Variants in GSTM3 observed in about 807,000 individuals in gnomAD.
The protein encoded by GSTM3 is glutathione S-transferase mu 3.
Under a neutral mutation model 36.1 loss-of-function variants are expected in GSTM3, and 34 were observed. The observed-to-expected ratio is 0.94, with a 90% confidence interval of 0.72 to 1.25. The LOEUF is 1.25. GSTM3 is among the 50% of genes most tolerant of loss of function. The pLI, the probability that GSTM3 is intolerant of heterozygous loss-of-function variation, is 0.00. For missense variants in GSTM3, 266 were observed against 281.6 expected (o/e 0.94, Z 0.40); for synonymous variants, 102 against 99.5 (o/e 1.03, Z -0.15).
chr1:109,739,631 C>T, intron 3 of GSTM3, 138 bp from the exon 4 acceptor site: 4 of 762,350 alleles, frequency 5.2e-6, no homozygotes, highest in Non-Finnish European at 9.1e-6. Flanking sequence ...CCTCTGAGCC[C>T]TATTTGGTTA....
rs200624404 is a variant in GSTM3, at chr1:109,737,140, C to T, written c.609G>A (p.Gln203=). The T allele has an allele frequency of 6.8e-6, 11 of 1,613,900 alleles. 1 individual carries two copies. Among genetic ancestry groups the T allele is most frequent in the Middle Eastern group, 1.6e-4 (1 of 6,062 alleles). ...TGGGCATCTTGCAGAACTGATCAGA[C>T]TGTAAGTAGGCAGCGATTTTCTCCA... ...EALEKIAAYL[Q]SDQFCKMPIN... The change falls in exon 9 of 9, where the codon CAG becomes CAA. Residue 203 remains glutamine (Q), a synonymous_variant. Coordinates refer to ENST00000361066, the MANE Select transcript of GSTM3 (RefSeq NM_000849.5).
Position 109,734,780 on chromosome 1 carries a change from GTACTA to G in GSTM3, c.*2286_*2290del, listed in dbSNP as rs1379452827. On this transcript the variant is annotated 3_prime_UTR_variant, in exon 9 of 9. Coordinates refer to ENST00000361066, the MANE Select transcript of GSTM3 (RefSeq NM_000849.5). ...ATTGTCTGCTTAGCACCTTCTGTCT[GTACTA>G]TTCCTCCTGACATCACTGGGTATCC... The G allele has an allele frequency of 2.0e-5, 3 of 152,348 alleles. No individual in the cohort carries two copies. Among genetic ancestry groups the G allele is most frequent in the African/African-American group, 7.2e-5 (3 of 41,454 alleles). The allele number at this position is 152,348 out of a possible 1,614,324, so 9.4% of individuals were successfully genotyped here.
In GSTM3 at chr1:109,737,163, C is replaced by G; in HGVS notation, c.586G>C (p.Glu196Gln). ...KAFMCRFEALEKIAAYLQSDQ... is the reference protein window; with the variant it reads ...KAFMCRFEALQKIAAYLQSDQ... ...GACTGTAAGTAGGCAGCGATTTTCTCCAAAGCCTGAAAGGAAAATACACCA... is the reference window on the plus strand; with the variant it reads ...GACTGTAAGTAGGCAGCGATTTTCTGCAAAGCCTGAAAGGAAAATACACCA... Residue 196 changes from glutamate (E) to glutamine (Q), a missense_variant, in exon 9 of 9, where the codon GAG becomes CAG. Physicochemically the swap from Glu to Gln is conservative, Grantham distance 29. Transcript: ENST00000361066. The G allele has an allele frequency of 6.2e-7, 1 of 1,612,070 alleles. No homozygotes were observed. Among genetic ancestry groups the G allele is most frequent in the East Asian group, 2.2e-5 (1 of 44,864 alleles).
At chr1:109,737,784 G>A (rs780692057) in intron 6 of GSTM3, 33 bp from the exon 7 acceptor site, 3 of 1,282,478 alleles carry the variant, frequency 2.3e-6, no homozygotes, top group Non-Finnish European at 3.3e-6. Context: ...GAATAGTGGT[G>A]ATCATCTTTG....
chr1:109,738,729 C>A (rs1273850698), intron 4 of GSTM3, among the ~76,000 whole-genome samples: 1 of 152,154 alleles, frequency 6.6e-6, no homozygotes, highest in Non-Finnish European at 1.5e-5. Flanking sequence ...TAATGACTAA[C>A]ATAATCTCAA....
Position 109,737,558 on chromosome 1 carries a change from C to T in GSTM3, c.478G>A (p.Val160Met), listed in dbSNP as rs1649237992. The change falls in exon 8 of 9, where the codon GTG becomes ATG. Residue 160 changes from valine to methionine, a missense_variant. Coordinates refer to ENST00000361066, the MANE Select transcript of GSTM3 (RefSeq NM_000849.5). ...AAGATATCATAGGTGAGAAAATCCA[C>T]AAAGGTGAGCTAGAAGAAAAGCAAT... ...SWFAGEKLTF[V>M]DFLTYDILDQ... 6.2e-7 allele frequency: 1 copy of T among 1,610,110 alleles called. No homozygotes were observed. The highest frequency in any genetic ancestry group is 8.5e-7 in the Non-Finnish European group (1 of 1,176,508).
At chr1:109,739,528 C>T in intron 3 of GSTM3, 35 bp from the exon 4 acceptor site, 4 of 1,465,406 alleles carry the variant, frequency 2.7e-6, no homozygotes, top group Non-Finnish European at 2.9e-6. Context: ...ACCCAACCTC[C>T]TTAATACCCC....
rs369807046 is a variant in GSTM3 at position 109,740,222 on chromosome 1, C to A, written c.48+18G>T. ...AGTCTCTTTGACCGAGCGGCTCTAC[C>A]GTTGAGACGGCACTCACCCCACGAA... On this transcript the variant is annotated intron_variant, in intron 2 of 8. Coordinates refer to ENST00000361066, the MANE Select transcript of GSTM3 (RefSeq NM_000849.5). 2.5e-6 allele frequency: 4 copies of A among 1,610,278 alleles called. No individual in the cohort carries two copies. The African/African-American group carries it at 5.3e-5, about 22-fold the overall frequency.
chr1:109,737,113 G>C lies in GSTM3; in HGVS notation c.636C>G (p.Ile212Met). 1.2e-6 allele frequency: 2 copies of C among 1,613,800 alleles called. No individual in the cohort carries two copies. The highest frequency in any genetic ancestry group is 8.5e-7 in the Non-Finnish European group (1 of 1,179,692). ...TGCCCCACTGGGCCATCTTGTTGTT[G>C]ATGGGCATCTTGCAGAACTGATCAG... ...LQSDQFCKMP[I>M]NNKMAQWGNK... is the part of the protein sequence containing the mutation. The change falls in exon 9 of 9, where the codon ATC (isoleucine) becomes ATG (methionine). Residue 212 changes from isoleucine to methionine, a missense_variant. Ile to Met is a conservative substitution (Grantham distance 10, BLOSUM62 1). Transcript: ENST00000361066.
chr1:109,739,671 A>G (rs1649309213), intron 3 of GSTM3, among the ~76,000 whole-genome samples, 162 bp downstream of exon 3: 2 of 152,256 alleles, frequency 1.3e-5, no homozygotes, highest in Admixed American at 6.5e-5. Context: ...GCTATGTTAA[A>G]AAGAGAACCC....
rs1406291238 is a variant in GSTM3, at chr1:109,734,170, G to A, written c.*2901C>T. On this transcript the variant is annotated 3_prime_UTR_variant, in exon 9 of 9. Coordinates refer to ENST00000361066, the MANE Select transcript of GSTM3 (RefSeq NM_000849.5). ...GGACTCCATCTTGGTTATTACCCAT[G>A]AGTGCCTAAGCAAAACCCATGGGGG... 1 of 152,214 alleles carries A rather than the reference G, an allele frequency of 6.6e-6. No homozygotes were observed. The highest frequency in any genetic ancestry group is 1.5e-5 in the Non-Finnish European group (1 of 68,048). The allele number at this position is 152,214 out of a possible 1,614,324, so 9.4% of individuals were successfully genotyped here.
rs1649203057 is a variant in GSTM3, at chr1:109,736,432, TTTTTTTC to T, written c.*632_*638del. 5.2e-5 allele frequency: 1 copy of T among 19,108 alleles called. No individual in the cohort carries two copies. Among genetic ancestry groups the T allele is most frequent in the African/African-American group, 7.6e-4 (1 of 1,318 alleles). The allele number at this position is 19,108 out of a possible 1,614,324, so 1.2% of individuals were successfully genotyped here. A position where few individuals can be genotyped will look rare whatever the true frequency, so the allele number is the denominator to read the frequency against. ...ACTCCACAGGCAGAGCAGCCTATGG[TTTTTTTC>T]TTTTTACGTCTTTAAAGAAACTTCT... On this transcript the variant is annotated 3_prime_UTR_variant, in exon 9 of 9. Transcript: ENST00000361066.
At chr1:109,738,504 G>GTA in intron 4 of GSTM3, 138 bp from the exon 5 acceptor site, 1 of 626,586 alleles carries the variant, frequency 1.6e-6, no homozygotes, top group Non-Finnish European at 2.8e-6. Flanking sequence ...AAGAAAATAA[G>GTA]TAGAAGGTAG....
intron 8 of GSTM3, 111 bp from the exon 9 acceptor site, chr1:109,737,280 T>G (rs1649229508): frequency 1.2e-5 from 10 of 860,580 alleles, no homozygotes; most frequent in Middle Eastern, 2.2e-4. Flanking sequence ...CATTTTTTTG[T>G]AGACAGTGCC....
chr1:109,739,501 A>G lies in GSTM3; in HGVS notation c.125-8T>C, dbSNP rs1420911757. 1 of 1,609,352 alleles carries G rather than the reference A, an allele frequency of 6.2e-7. No individual in the cohort carries two copies. Among genetic ancestry groups the G allele is most frequent in the Non-Finnish European group, 8.5e-7 (1 of 1,176,300 alleles). ...TTCGATCATAGTCAGGAGCTGTAAG[A>G]GACGGAATTAAGTGGGACCCAACCT... On this transcript the variant is annotated splice_polypyrimidine_tract_variant and splice_region_variant and intron_variant, in intron 3 of 8. Transcript: ENST00000361066.
chr1:109,737,372 G>T, intron 8 of GSTM3, 85 bp downstream of exon 8: 1 of 958,402 alleles, frequency 1.0e-6, no homozygotes, highest in Non-Finnish European at 1.7e-6. Context: ...GCAAAAGCCG[G>T]GGAAGAATCC....
rs1225251664 is a variant in GSTM3 at position 109,737,584 on chromosome 1, A to C, written c.469-17T>G. ...AAAGGTGAGCTAGAAGAAAAGCAAT[A>C]AGATGCTTAGGTCTGAGGAGTAGTA... is the stretch of plus-strand genomic sequence containing the variant. On this transcript the variant is annotated splice_polypyrimidine_tract_variant and intron_variant, in intron 7 of 8. Transcript: ENST00000361066. 3.8e-6 allele frequency: 6 copies of C among 1,567,936 alleles called. No individual in the cohort carries two copies. The Admixed American group carries it at 5.0e-5, about 13-fold the overall frequency.
intron 3 of GSTM3, 128 bp downstream of exon 3, chr1:109,739,705 C>A: frequency 1.4e-6 from 1 of 737,188 alleles, no homozygotes. Flanking sequence ...AAGGATGTGT[C>A]TCTATTCACC....
rs771177102 is a variant in GSTM3, at chr1:109,738,125, G to A, written c.338C>T (p.Thr113Ile). The change falls in exon 6 of 9, where the codon ACA (threonine) becomes ATA (isoleucine). Residue 113 changes from threonine (T) to isoleucine (I), a missense_variant. Physicochemically the swap from Thr to Ile is moderately conservative, Grantham distance 89. Transcript: ENST00000361066. ...IIENQVMDFR[T>I]QLIRLCYSSD... Reference sequence around the variant, plus strand: ...GCTGTAACAGAGCCTTATCAGTTGTGTGCGGAAATCCATTACTTGGTTCTC... The same window carrying A: ...GCTGTAACAGAGCCTTATCAGTTGTATGCGGAAATCCATTACTTGGTTCTC... 3.1e-6 allele frequency: 5 copies of A among 1,613,502 alleles called. No individual in the cohort carries two copies. The highest frequency in any genetic ancestry group is 1.7e-5 in the Admixed American group (1 of 60,026).
Sources: gnomAD v4.1 joint callset for allele counts (sites outside exome capture counted in the v4.1 genomes callset) on GRCh38, gnomAD v4.1.1 for gene constraint, MANE v1.5 for transcripts, NCBI Gene and HGNC (gene_info 2026-07-23, HGNC 2026-07-21) for gene names.